CDH18: variants seen among roughly 807,000 people sequenced by gnomAD.
The protein encoded by CDH18 is cadherin 18.
Under a neutral mutation model 67.9 loss-of-function variants are expected in CDH18, and 31 were observed. The observed-to-expected ratio is 0.46, with a 90% CI of 0.34 to 0.62. The LOEUF is 0.62. Ranked by LOEUF, CDH18 falls within the 20% of genes least tolerant of loss-of-function variation. The pLI is 0.01. For missense variants in CDH18, 890 were observed against 975.5 expected, an observed-to-expected ratio of 0.91 and a Z score of 1.17; for synonymous variants, 362 against 347.2, an observed-to-expected ratio of 1.04 and a Z score of -0.48.
chr5:20,321,423 C>G (rs1206172912), intron 1 of CDH18, among the ~76,000 whole-genome samples: 3 of 152,116 alleles, frequency 2.0e-5, no homozygotes, highest in Non-Finnish European at 4.4e-5. Flanking sequence ...GCCTCCTTCC[C>G]CTACCCAATT....
chr5:20,419,460 C>CTTT (rs1469236559), intron 1 of CDH18, among the ~76,000 whole-genome samples: 6 of 100,384 alleles, frequency 6.0e-5, no homozygotes, highest in Non-Finnish European at 1.2e-4. Context: ...GTATGGGACT[C>CTTT]TGTTTTTTTT....
At chr5:20,261,730 A>T (rs1744671426) in intron 1 of CDH18, among the ~76,000 whole-genome samples, 1 of 134,554 alleles carries the variant, frequency 7.4e-6, no homozygotes, top group Non-Finnish European at 1.6e-5. Flanking sequence ...GACTCCGTTT[A>T]AAAAAAAAAA....
rs562012684 is a variant in CDH18, at chr5:19,574,201, T to C, written c.1000-2369A>G. Among the ~76,000 whole-genome samples the C allele has an allele frequency of 2.0e-5, 3 of 152,324 alleles. No individual in the cohort carries two copies. In the East Asian group the frequency reaches 5.8e-4, roughly 29 times the overall value. On this transcript the variant is annotated intron_variant, in intron 7 of 12. Coordinates refer to ENST00000382275, the MANE Select transcript of CDH18 (RefSeq NM_004934.5). Reference sequence around the variant, plus strand: ...TTTCTTAGCAGGTCCCCTGGCAAGTTAGATGCCATTTGCCTCAATACTAAC... The same window carrying C: ...TTTCTTAGCAGGTCCCCTGGCAAGTCAGATGCCATTTGCCTCAATACTAAC...
At chr5:20,414,361 CAG>C (rs1165760943) in intron 1 of CDH18, among the ~76,000 whole-genome samples, 2 of 152,112 alleles carry the variant, frequency 1.3e-5, no homozygotes, top group African/African-American at 4.8e-5. Flanking sequence ...TGAATTAACA[CAG>C]AAACTGAAAA....
At chr5:20,462,658 G>A (rs1751354441) in intron 1 of CDH18, among the ~76,000 whole-genome samples, 1 of 152,086 alleles carries the variant, frequency 6.6e-6, no homozygotes, top group African/African-American at 2.4e-5. Flanking sequence ...AGTCATAGTT[G>A]TTATAAATGC....
intron 5 of CDH18, among the ~76,000 whole-genome samples, chr5:19,717,503 T>G (rs769147888): frequency 6.6e-6 from 1 of 152,054 alleles, no homozygotes; most frequent in Non-Finnish European, 1.5e-5. Flanking sequence ...AGTTCTTTTG[T>G]GTAGGAATTT....
At chr5:19,510,898 G>A (rs1007166232) in intron 10 of CDH18, among the ~76,000 whole-genome samples, 5 of 151,250 alleles carry the variant, frequency 3.3e-5, no homozygotes, top group African/African-American at 1.2e-4. Flanking sequence ...TACAACTTAC[G>A]CCTCCTGGGT....
chr5:20,215,983 G>T (rs1205275824), intron 2 of CDH18, among the ~76,000 whole-genome samples: 1 of 151,960 alleles, frequency 6.6e-6, no homozygotes, highest in African/African-American at 2.4e-5. Flanking sequence ...AAAAGATGAA[G>T]GGTGGGAGAA....
At chr5:20,359,376 G>T (rs558798804) in intron 1 of CDH18, among the ~76,000 whole-genome samples, 1 of 152,240 alleles carries the variant, frequency 6.6e-6, no homozygotes, top group East Asian at 1.9e-4. Flanking sequence ...CTAAAGATTA[G>T]AATTTCATTT....
intron 7 of CDH18, among the ~76,000 whole-genome samples, chr5:19,574,742 G>A (rs1234789918): frequency 1.4e-5 from 2 of 146,182 alleles, no homozygotes; most frequent in African/African-American, 5.4e-5. Context: ...CGCTTTCTTA[G>A]TTAAAAAAAA....
chr5:19,481,345 G>A (rs1236636473), intron 12 of CDH18, among the ~76,000 whole-genome samples: 1 of 152,150 alleles, frequency 6.6e-6, no homozygotes, highest in Non-Finnish European at 1.5e-5. Context: ...TCTAACTCAT[G>A]CAGGTATCTA....
In CDH18 at chr5:20,062,140, A is replaced by AATTATTATTATTATTATTATT. The variant is rs113839953; in HGVS notation, c.-517-70147_-517-70127dup. 1.7e-3 allele frequency among the ~76,000 whole-genome samples: 241 copies of AATTATTATTATTATTATTATT among 137,936 alleles called. 1 individual carries two copies. The highest frequency in any genetic ancestry group is 3.0e-3 in the Admixed American group (40 of 13,414). The allele number at this position is 137,936 out of a possible 152,430, so 90.5% of individuals were successfully genotyped here. A position where few individuals can be genotyped will look rare whatever the true frequency, so the allele number is the denominator to read the frequency against. On this transcript the variant is annotated intron_variant, in intron 2 of 14. Transcript: ENST00000507958. The stretch of plus-strand genomic sequence containing the variant: ...AAAGTAAACTAATCTTTAAGCCCAG[A>AATTATTATTATTATTATTATT]ATTATTATTATTATTATTATTATTA...
At chr5:19,510,656 T>G (rs1289452895) in intron 10 of CDH18, among the ~76,000 whole-genome samples, 2 of 152,120 alleles carry the variant, frequency 1.3e-5, no homozygotes, top group East Asian at 3.9e-4. Context: ...TTAGGTTTTG[T>G]GTCCCCACTA....
chr5:19,606,981 A>T (rs947685509), intron 6 of CDH18, among the ~76,000 whole-genome samples: 1 of 151,670 alleles, frequency 6.6e-6, no homozygotes, highest in Non-Finnish European at 1.5e-5. Flanking sequence ...TCTACAGTTG[A>T]TTTTTCAATG....
rs1236434394 is a variant in CDH18 at position 20,222,287 on chromosome 5, A to C, written c.-518+33157T>G. Among the ~76,000 whole-genome samples, 3 of 152,178 alleles carry C rather than the reference A, an allele frequency of 2.0e-5. No individual in the cohort carries two copies. The East Asian group carries it at 5.8e-4, about 29-fold the overall frequency. On this transcript the variant is annotated intron_variant, in intron 2 of 14. Coordinates refer to the CDH18 transcript ENST00000507958. ...ATTTTATTTACGCTCCACAAAGGAA[A>C]TCTAATAGTTAATATATCATTATAT... is the stretch of plus-strand genomic sequence containing the variant.
intron 1 of CDH18, among the ~76,000 whole-genome samples, chr5:20,267,685 G>A (rs1261193605): frequency 6.6e-6 from 1 of 152,056 alleles, no homozygotes; most frequent in Admixed American, 6.6e-5. Context: ...TCACCTTCTT[G>A]ATTTCCCTCT....
chr5:19,903,803 C>A (rs1299762240), intron 2 of CDH18, among the ~76,000 whole-genome samples: 1 of 151,744 alleles, frequency 6.6e-6, no homozygotes, highest in Non-Finnish European at 1.5e-5. Flanking sequence ...TGCATGCTGA[C>A]AACTAGGGCT....
chr5:20,364,113 T>C (rs900498969), intron 1 of CDH18, among the ~76,000 whole-genome samples: 9 of 152,164 alleles, frequency 5.9e-5, no homozygotes, highest in African/African-American at 2.2e-4. Context: ...TTATCGTTAA[T>C]GTTGTCAAGT....
intron 5 of CDH18, among the ~76,000 whole-genome samples, chr5:19,632,407 C>T (rs1366864179): frequency 1.3e-5 from 2 of 152,146 alleles, no homozygotes; most frequent in African/African-American, 4.8e-5. Flanking sequence ...GCATTTATAA[C>T]CACATTTTTC....
Sources: gnomAD v4.1 joint callset for allele counts (sites outside exome capture counted in the v4.1 genomes callset) on GRCh38, gnomAD v4.1.1 for gene constraint, MANE v1.5 for transcripts, NCBI Gene and HGNC (gene_info 2026-07-23, HGNC 2026-07-21) for gene names.